OPCML: variants seen among roughly 807,000 people sequenced by gnomAD.
OPCML encodes opioid-binding protein/cell adhesion molecule.
A neutral mutation model predicts 37.8 loss-of-function variants in OPCML; 13 were observed. That is an observed-to-expected ratio of 0.34 (90% CI 0.22 to 0.55). OPCML has a LOEUF of 0.55. OPCML is among the 20% of genes least tolerant of loss of function. OPCML has a pLI of 0.91. For synonymous variants in OPCML, 176 were observed against 168.8 expected, an observed-to-expected ratio of 1.04 and a Z score of -0.33; for missense variants, 341 against 435.6, an observed-to-expected ratio of 0.78 and a Z score of 1.93.
chr11:133,340,058 A>G (rs905020462), intron 1 of OPCML, among the ~76,000 whole-genome samples: 6 of 152,144 alleles, frequency 3.9e-5, no homozygotes, highest in Non-Finnish European at 5.9e-5. Flanking sequence ...TAGAAAAAAA[A>G]TGTTTCCTTT....
chr11:133,083,314 T>C (rs1387366116), intron 1 of OPCML, among the ~76,000 whole-genome samples: 1 of 152,090 alleles, frequency 6.6e-6, no homozygotes, highest in African/African-American at 2.4e-5. Context: ...CCCTCTGAGC[T>C]GCCCCTCTCC....
chr11:132,497,463 T>G (rs1333891580), intron 4 of OPCML, among the ~76,000 whole-genome samples: 1 of 149,540 alleles, frequency 6.7e-6, no homozygotes, highest in Non-Finnish European at 1.5e-5. Context: ...AAACAGGCTG[T>G]GGGTACAGGA....
intron 1 of OPCML, chr11:133,003,841 T>G (rs1048258016): frequency 3.3e-5 from 33 of 985,224 alleles, no homozygotes; most frequent in Non-Finnish European, 4.0e-5. Flanking sequence ...AAATGAATAA[T>G]GCAGATCCTT....
intron 1 of OPCML, chr11:133,024,265 A>T (rs545524680): frequency 1.2e-6 from 1 of 847,754 alleles, no homozygotes; most frequent in Non-Finnish European, 1.4e-6. Flanking sequence ...GAAGCGAAGA[A>T]AAAGCTTCTA....
intron 3 of OPCML, among the ~76,000 whole-genome samples, chr11:132,592,600 T>C (rs2096486297): frequency 6.6e-6 from 1 of 152,188 alleles, no homozygotes; most frequent in African/African-American, 2.4e-5. Context: ...AGCATGCCCA[T>C]AGCAAGAGAC....
chr11:133,330,260 A>T (rs567191457), intron 1 of OPCML, among the ~76,000 whole-genome samples: 20 of 152,222 alleles, frequency 1.3e-4, no homozygotes, highest in South Asian at 4.1e-4. Context: ...AGTTCAACCA[A>T]TGTGGAAGTC....
At chr11:132,578,617 A>C (rs1427905126) in intron 3 of OPCML, among the ~76,000 whole-genome samples, 1 of 152,206 alleles carries the variant, frequency 6.6e-6, no homozygotes. Flanking sequence ...CTAAGCTTAC[A>C]ATGGTTCAGA....
intron 2 of OPCML, among the ~76,000 whole-genome samples, chr11:132,864,453 T>G (rs1257952838): frequency 6.6e-6 from 1 of 152,188 alleles, no homozygotes; most frequent in Non-Finnish European, 1.5e-5. Flanking sequence ...AGCCTCAGTT[T>G]CCTCATTTAT....
chr11:133,067,718 GC>G (rs1327916092), intron 1 of OPCML: 1 of 152,158 alleles, frequency 6.6e-6, no homozygotes, highest in African/African-American at 2.4e-5. Flanking sequence ...GCTTCTTGTT[GC>G]CTCTTTCACT....
At chr11:133,150,166 A>G (rs1223071330) in intron 1 of OPCML, among the ~76,000 whole-genome samples, 1 of 152,214 alleles carries the variant, frequency 6.6e-6, no homozygotes. Flanking sequence ...TTCTCCACAA[A>G]TGAGGAATCA....
chr11:132,586,198 C>A (rs1053886312), intron 3 of OPCML, among the ~76,000 whole-genome samples: 4 of 152,186 alleles, frequency 2.6e-5, no homozygotes. Context: ...AAGTGGAAAT[C>A]TTTGTACATG....
intron 1 of OPCML, among the ~76,000 whole-genome samples, chr11:133,220,333 G>A (rs140901530): frequency 1.3e-5 from 2 of 152,298 alleles, no homozygotes; most frequent in East Asian, 3.9e-4. Context: ...CTGTGCTGCA[G>A]GCATTAACCC....
chr11:132,784,613 A>G (rs1947145912), intron 2 of OPCML, among the ~76,000 whole-genome samples: 1 of 152,060 alleles, frequency 6.6e-6, no homozygotes. Flanking sequence ...TTATGTTGAA[A>G]TGTGACCTCC....
chr11:132,894,900 G>A (rs1278090637), intron 2 of OPCML, among the ~76,000 whole-genome samples: 1 of 152,136 alleles, frequency 6.6e-6, no homozygotes, highest in Non-Finnish European at 1.5e-5. Context: ...GCATGTAGAT[G>A]GCTGTCACAG....
At chr11:133,340,882 A>T (rs979492588) in intron 1 of OPCML, among the ~76,000 whole-genome samples, 1 of 152,142 alleles carries the variant, frequency 6.6e-6, no homozygotes, top group Non-Finnish European at 1.5e-5. Context: ...TATCAAGAAT[A>T]GTCTTCTCTG....
At chr11:133,222,448 T>C (rs1220690974) in intron 1 of OPCML, among the ~76,000 whole-genome samples, 1 of 152,142 alleles carries the variant, frequency 6.6e-6, no homozygotes, top group East Asian at 1.9e-4. Flanking sequence ...ACACATGCTG[T>C]TCCTGTGGCC....
At chr11:133,463,434 T>C (rs1946904980) in intron 1 of OPCML, among the ~76,000 whole-genome samples, 1 of 152,146 alleles carries the variant, frequency 6.6e-6, no homozygotes, top group Non-Finnish European at 1.5e-5. Flanking sequence ...TTAAAAATGG[T>C]TATTTTAAAA....
chr11:132,803,787 T>C (rs546503143), intron 2 of OPCML, among the ~76,000 whole-genome samples: 1 of 152,330 alleles, frequency 6.6e-6, no homozygotes, highest in Admixed American at 6.5e-5. Context: ...TCAATTAATC[T>C]GTGTGTCAAT....
At chr11:133,428,792 A>G (rs1174111707) in intron 1 of OPCML, among the ~76,000 whole-genome samples, 1 of 152,202 alleles carries the variant, frequency 6.6e-6, no homozygotes, top group East Asian at 1.9e-4. Flanking sequence ...TGAAATTCCA[A>G]TAAAAAAATC....
Sources: allele counts gnomAD v4.1 joint callset (sites outside exome capture counted in the v4.1 genomes callset), GRCh38; gene constraint gnomAD v4.1.1; transcripts MANE v1.5; gene names NCBI Gene and HGNC (gene_info 2026-07-23, HGNC 2026-07-21).